TBL1X: variants seen among roughly 807,000 people sequenced by gnomAD.
TBL1X encodes the protein F-box-like/WD repeat-containing protein TBL1X.
In TBL1X, 10 loss-of-function variants were observed where a neutral mutation model predicts 50.7. The observed-to-expected ratio is 0.20, with a 90% CI of 0.12 to 0.33. The LOEUF (loss-of-function observed/expected upper bound fraction) is 0.33. Ranked by LOEUF, TBL1X falls within the 10% of genes least tolerant of loss-of-function variation. TBL1X has a pLI of 1.00. For missense variants in TBL1X, 340 were observed against 504.4 expected (o/e 0.67, Z 3.12); for synonymous variants, 190 against 214.7 (o/e 0.88, Z 1.01).
chrX:9,487,247 T>G (rs2081918202), intron 1 of TBL1X, among the ~76,000 whole-genome samples: 1 of 111,784 alleles, frequency 8.9e-6, no homozygotes, highest in Non-Finnish European at 1.9e-5. Flanking sequence ...TGTCTAATTT[T>G]TGAACATTTT....
At chrX:9,687,804 A>G (rs1251508387) in intron 6 of TBL1X, among the ~76,000 whole-genome samples, 2 of 110,217 alleles carry the variant, frequency 1.8e-5, no homozygotes, top group Non-Finnish European at 3.8e-5. Context: ...CTTAGTTCTT[A>G]CCAACAGTTT....
chrX:9,532,138 C>T (rs1016238867), intron 2 of TBL1X, among the ~76,000 whole-genome samples: 4 of 111,560 alleles, frequency 3.6e-5, no homozygotes, highest in African/African-American at 6.5e-5. Flanking sequence ...TCCTGAGCTG[C>T]GCACATGCTT....
intron 2 of TBL1X, among the ~76,000 whole-genome samples, chrX:9,561,612 T>C (rs1259406692): frequency 8.9e-6 from 1 of 112,043 alleles, no homozygotes; most frequent in East Asian, 2.8e-4. Context: ...ATGGCATGAA[T>C]ATGGAGGTGG....
chrX:9,583,497 G>A (rs1284269993), intron 2 of TBL1X, among the ~76,000 whole-genome samples: 1 of 111,514 alleles, frequency 9.0e-6, no homozygotes, highest in Non-Finnish European at 1.9e-5. Context: ...TGTGTTGTAG[G>A]GTTTTCTTAA....
At position 9,525,823 on chromosome X, in the gene TBL1X, A is replaced by T. The variant is rs753714127; in HGVS notation, c.-131+23974A>T. On this transcript the variant is annotated intron_variant, in intron 2 of 17. Transcript: ENST00000645353. ...GGCACTTTCCTCTATTTTGCAGAGA[A>T]AATAATTTTTTCCCAAAGAGATTTT... 1.5e-3 allele frequency among the ~76,000 whole-genome samples: 165 copies of T among 111,751 alleles called. 2 individuals are homozygous for T. Among genetic ancestry groups the T allele is most frequent in the African/African-American group, 4.4e-3 (136 of 30,788 alleles).
At chrX:9,477,474 C>T (rs1428982443) in intron 1 of TBL1X, among the ~76,000 whole-genome samples, 1 of 112,133 alleles carries the variant, frequency 8.9e-6, no homozygotes. Context: ...TTCTCTATCT[C>T]TTGGAGTTGA....
intron 2 of TBL1X, among the ~76,000 whole-genome samples, chrX:9,526,091 G>T (rs183668489): frequency 2.4e-4 from 25 of 103,810 alleles, no homozygotes; most frequent in African/African-American, 7.1e-4. Flanking sequence ...GAGAGAGAAC[G>T]TCTGTGCATG....
intron 13 of TBL1X, among the ~76,000 whole-genome samples, chrX:9,707,540 G>A (rs2083216425): frequency 8.9e-6 from 1 of 112,217 alleles, no homozygotes; most frequent in African/African-American, 3.2e-5. Flanking sequence ...CCATGAGCCG[G>A]CTCTGGAGGC....
intron 3 of TBL1X, among the ~76,000 whole-genome samples, chrX:9,646,200 G>T (rs2082803816): frequency 8.9e-6 from 1 of 112,251 alleles, no homozygotes; most frequent in Non-Finnish European, 1.9e-5. Context: ...CGGCCTGATA[G>T]TTCCCATATG....
intron 2 of TBL1X, among the ~76,000 whole-genome samples, chrX:9,627,772 G>A (rs1337110086): frequency 1.8e-5 from 2 of 112,251 alleles, no homozygotes; most frequent in Non-Finnish European, 3.8e-5. Context: ...CACCCAACAT[G>A]AAGCCAGGAC....
chrX:9,506,710 G>A (rs1238628825), intron 2 of TBL1X, among the ~76,000 whole-genome samples: 2 of 111,447 alleles, frequency 1.8e-5, no homozygotes, highest in Non-Finnish European at 3.8e-5. Context: ...ATTCCTGCAC[G>A]CATACACCCT....
At chrX:9,700,771 G>A (rs768104930) in intron 12 of TBL1X, among the ~76,000 whole-genome samples, 2 of 111,394 alleles carry the variant, frequency 1.8e-5, no homozygotes, top group South Asian at 3.8e-4. Flanking sequence ...CTTGGTCACC[G>A]TCGGCAGGAA....
intron 2 of TBL1X, among the ~76,000 whole-genome samples, chrX:9,600,709 A>G (rs978220880): frequency 2.7e-5 from 3 of 111,653 alleles, no homozygotes; most frequent in Admixed American, 1.9e-4. Context: ...ATGTTATTAT[A>G]ATGTTAGGTG....
At chrX:9,699,676 G>A (rs993309155) in intron 12 of TBL1X, among the ~76,000 whole-genome samples, 1 of 111,621 alleles carries the variant, frequency 9.0e-6, no homozygotes, top group African/African-American at 3.3e-5. Flanking sequence ...CGAAGGTCCC[G>A]TCGAGGCACG....
chrX:9,646,436 G>T (rs1466815601), intron 3 of TBL1X, among the ~76,000 whole-genome samples: 3 of 112,473 alleles, frequency 2.7e-5, no homozygotes, highest in African/African-American at 9.7e-5. Context: ...TCTTAAGCTG[G>T]TTACTGATTG....
intron 2 of TBL1X, among the ~76,000 whole-genome samples, chrX:9,566,443 G>A (rs1339667749): frequency 9.0e-6 from 1 of 111,684 alleles, no homozygotes; most frequent in Non-Finnish European, 1.9e-5. Flanking sequence ...TTGAACCCTG[G>A]AGCAAATGAA....
chrX:9,616,639 C>A (rs1342312433), intron 2 of TBL1X, among the ~76,000 whole-genome samples: 1 of 112,111 alleles, frequency 8.9e-6, no homozygotes, highest in African/African-American at 3.2e-5. Context: ...CACGTTCTGA[C>A]CCAATAAGGA....
chrX:9,676,792 G>A (rs1224460078), intron 5 of TBL1X, among the ~76,000 whole-genome samples: 2 of 111,830 alleles, frequency 1.8e-5, no homozygotes, highest in African/African-American at 3.3e-5. Flanking sequence ...ATATGAACAC[G>A]TTCAGTGATA....
intron 2 of TBL1X, among the ~76,000 whole-genome samples, chrX:9,568,212 TTGTG>T (rs1345340350): frequency 1.8e-5 from 2 of 111,340 alleles, no homozygotes; most frequent in Non-Finnish European, 3.8e-5. Flanking sequence ...ATGTTCTGTG[TTGTG>T]TGTGTGTGTC....
Sources: gnomAD v4.1 joint callset for allele counts (sites outside exome capture counted in the v4.1 genomes callset) on GRCh38, gnomAD v4.1.1 for gene constraint, MANE v1.5 for transcripts, NCBI Gene and HGNC (gene_info 2026-07-23, HGNC 2026-07-21) for gene names.